C12orf42: variants seen among roughly 807,000 people sequenced by gnomAD.
C12orf42 encodes the protein uncharacterized protein C12orf42.
C12orf42 carries 25 observed loss-of-function variants against 21.6 expected under a neutral mutation model. That is an observed-to-expected ratio of 1.16 (90% CI 0.84 to 1.62). The LOEUF (loss-of-function observed/expected upper bound fraction) is 1.62. Among genes scored for constraint, C12orf42 ranks in the 40% most tolerant of loss-of-function variants. The pLI is 0.00. For missense variants in C12orf42, 483 were observed against 459.3 expected (o/e 1.05, Z -0.47); for synonymous variants, 174 against 175.0 (o/e 0.99, Z 0.05).
Position 103,470,630 on chromosome 12 carries a change from G to A in C12orf42, c.78+7719C>T, listed in dbSNP as rs920252633. On this transcript the variant is annotated intron_variant, in intron 2 of 5. Transcript: ENST00000548883. ...CTGCTTTGACCAATAGAGTATGGAA[G>A]TGGTGCTATGTGATTTCCGAGTCTA... Among the ~76,000 whole-genome samples the A allele has an allele frequency of 6.6e-5, 10 of 152,300 alleles. 1 individual carries two copies. In the South Asian group the frequency reaches 1.7e-3, roughly 25 times the overall value.
chr12:103,230,822 A>C, the C12orf42 span, among the ~76,000 whole-genome samples: 1 of 152,028 alleles, frequency 6.6e-6, no homozygotes, highest in Non-Finnish European at 1.5e-5. Context: ...TTTTATATTA[A>C]ACATAATTTT....
chr12:103,079,783 G>A, the C12orf42 span, among the ~76,000 whole-genome samples: 1 of 152,144 alleles, frequency 6.6e-6, no homozygotes, highest in Non-Finnish European at 1.5e-5. Flanking sequence ...GCCTGGCAGG[G>A]AATAGTAGAT....
chr12:103,322,757 T>G (rs2040308946), intron 4 of C12orf42, among the ~76,000 whole-genome samples: 2 of 152,228 alleles, frequency 1.3e-5, no homozygotes, highest in Non-Finnish European at 2.9e-5. Flanking sequence ...TCCAAATTCG[T>G]AAGAGTGCAT....
At chr12:103,074,182 GA>G in the C12orf42 span, among the ~76,000 whole-genome samples, 72 of 152,288 alleles carry the variant, frequency 4.7e-4, 1 homozygote, top group East Asian at 0.011. Flanking sequence ...TAGACCCAAA[GA>G]AATGATCCAG....
At chr12:103,298,328 C>T (rs1318268646), downstream of C12orf42, among the ~76,000 whole-genome samples, 1 of 152,094 alleles carries the variant, frequency 6.6e-6, no homozygotes, top group Non-Finnish European at 1.5e-5. Context: ...AACAGAGAGC[C>T]AAATCATGAG....
At chr12:103,282,474 A>T (rs1368704588) in intron 4 of C12orf42, among the ~76,000 whole-genome samples, 1 of 152,236 alleles carries the variant, frequency 6.6e-6, no homozygotes. Context: ...TACAGTATTA[A>T]GTTCAGTAAA....
chr12:103,083,069 A>C, the C12orf42 span, among the ~76,000 whole-genome samples: 2 of 152,162 alleles, frequency 1.3e-5, no homozygotes, highest in East Asian at 3.9e-4. Context: ...CAGACCTTAA[A>C]GTAAAAAATA....
the C12orf42 span, among the ~76,000 whole-genome samples, chr12:103,187,792 C>G: frequency 6.6e-6 from 1 of 152,172 alleles, no homozygotes; most frequent in African/African-American, 2.4e-5. Flanking sequence ...TTCACCTTTC[C>G]TCTTATTTCT....
intron 4 of C12orf42, among the ~76,000 whole-genome samples, chr12:103,281,916 AAAG>A (rs2036149494): frequency 9.0e-5 from 1 of 11,142 alleles, no homozygotes; most frequent in African/African-American, 5.5e-4. Context: ...GAAGAAAGAA[AAAG>A]AAAGAAAGAA....
chr12:103,047,730 G>A, the C12orf42 span, among the ~76,000 whole-genome samples: 1 of 152,152 alleles, frequency 6.6e-6, no homozygotes, highest in Non-Finnish European at 1.5e-5. Flanking sequence ...GCTTATTTAT[G>A]GCTGACATCA....
intron 1 of C12orf42, among the ~76,000 whole-genome samples, chr12:103,488,938 C>T (rs998977770): frequency 2.6e-5 from 4 of 152,212 alleles, no homozygotes; most frequent in Admixed American, 1.3e-4. Flanking sequence ...CCTTCTGAAG[C>T]CTACTTCTGT....
chr12:103,365,377 G>A (rs114517535), intron 4 of C12orf42, among the ~76,000 whole-genome samples: 264 of 152,146 alleles, frequency 1.7e-3, no homozygotes, highest in African/African-American at 6.1e-3. Context: ...ACTACAGAAC[G>A]AGGAAAAGTT....
chr12:103,161,536 T>C, the C12orf42 span: 1 of 152,216 alleles, frequency 6.6e-6, no homozygotes, highest in South Asian at 2.1e-4. Flanking sequence ...TGCCACTTAT[T>C]TCACCACAGA....
chr12:103,477,260 C>A (rs1275266101), intron 2 of C12orf42, among the ~76,000 whole-genome samples: 2 of 151,630 alleles, frequency 1.3e-5, no homozygotes, highest in Non-Finnish European at 2.9e-5. Flanking sequence ...CATGGCAGGA[C>A]CTCTGGGCAG....
chr12:103,465,537 A>T (rs1953052678), intron 2 of C12orf42, among the ~76,000 whole-genome samples: 1 of 152,126 alleles, frequency 6.6e-6, no homozygotes, highest in Admixed American at 6.5e-5. Flanking sequence ...GGATCATGTC[A>T]TCTGCAAACA....
At chr12:103,120,196 G>A in the C12orf42 span, among the ~76,000 whole-genome samples, 5 of 152,302 alleles carry the variant, frequency 3.3e-5, no homozygotes, top group Middle Eastern at 6.8e-3. Context: ...TTGAGTTCAA[G>A]GGACAGATAA....
At chr12:103,502,727 A>G in the C12orf42 span, among the ~76,000 whole-genome samples, 1 of 152,142 alleles carries the variant, frequency 6.6e-6, no homozygotes, top group Non-Finnish European at 1.5e-5. Flanking sequence ...CCAGATCTCC[A>G]AATCAGACTT....
At chr12:103,048,414 G>A in the C12orf42 span, among the ~76,000 whole-genome samples, 2 of 152,016 alleles carry the variant, frequency 1.3e-5, no homozygotes, top group African/African-American at 4.8e-5. Context: ...TACATGGGGG[G>A]ATTCAACACC....
At chr12:103,054,999 A>G in the C12orf42 span, among the ~76,000 whole-genome samples, 5 of 151,822 alleles carry the variant, frequency 3.3e-5, no homozygotes, top group Non-Finnish European at 7.4e-5. Flanking sequence ...TTTTGCGTCT[A>G]TATTCATAAG....
Sources: allele counts gnomAD v4.1 joint callset (sites outside exome capture counted in the v4.1 genomes callset), GRCh38; gene constraint gnomAD v4.1.1; transcripts MANE v1.5; gene names NCBI Gene and HGNC (gene_info 2026-07-23, HGNC 2026-07-21).